DMTN: variants seen among roughly 807,000 people sequenced by gnomAD.
DMTN encodes the protein dematin actin binding protein.
DMTN carries 27 observed loss-of-function variants against 59.4 expected under a neutral mutation model. The observed-to-expected ratio is 0.45, with a 90% CI of 0.33 to 0.63. The LOEUF is 0.63. DMTN is among the 20% of genes least tolerant of loss of function. DMTN has a pLI of 0.02. For missense variants in DMTN, 451 were observed against 528.9 expected (o/e 0.85, Z 1.45); for synonymous variants, 221 against 203.7 (o/e 1.08, Z -0.72).
upstream of DMTN, among the ~76,000 whole-genome samples, chr8:22,054,103 T>TACACACACACACACACACACAG (rs761199427): frequency 0.024 from 3,608 of 148,364 alleles, 79 homozygotes; most frequent in African/African-American, 0.053. Context: ...CCACCACCAA[T>TACACACACACACACACACACAG]ACACACACAC....
chr8:22,066,989 C>T, intron 2 of DMTN, 96 bp downstream of exon 2: 1 of 1,271,518 alleles, frequency 7.9e-7, no homozygotes, highest in Non-Finnish European at 1.0e-6. Context: ...CGCGCAGCGC[C>T]GCGCAGCGCC....
chr8:22,070,332 TG>T lies in DMTN; in HGVS notation c.604+1del. 1.2e-6 allele frequency: 2 copies of T among 1,603,372 alleles called. No homozygotes were observed. Among genetic ancestry groups the T allele is most frequent in the Non-Finnish European group, 1.7e-6 (2 of 1,174,924 alleles). On this transcript the variant is annotated frameshift_variant and splice_region_variant, in exon 8 of 16. Coordinates refer to ENST00000358242, the MANE Select transcript of DMTN (RefSeq NM_001387751.1). LOFTEE classifies it high-confidence loss of function. ...CCATGCCCCCCGTCTCTGGCTGTTG[TG>T]GGTAGGAGAGATGGGGAGAGTGGAA... The part of the protein sequence containing the change: ...YWPCPPSLAV[V>X]ETEWRKRKAS...
intron 4 of DMTN, 29 bp downstream of exon 4, chr8:22,067,711 CG>C: frequency 6.2e-7 from 1 of 1,606,912 alleles, no homozygotes; most frequent in South Asian, 1.1e-5. Context: ...GGCAGGACTC[CG>C]GGGGAGGCCC....
rs956548254 is a variant in DMTN at position 22,060,032 on chromosome 8, G to A, written c.-172+2896G>A. Among the ~76,000 whole-genome samples, 1 of 152,126 alleles carries A rather than the reference G, an allele frequency of 6.6e-6. No individual in the cohort carries two copies. Among genetic ancestry groups the A allele is most frequent in the Non-Finnish European group, 1.5e-5 (1 of 68,022 alleles). ...CAGATAAGGCAGGGACACACAGCTGGGGGAGGGTGGGGCTGAGATGGAGGG... is the reference window on the plus strand; with the variant it reads ...CAGATAAGGCAGGGACACACAGCTGAGGGAGGGTGGGGCTGAGATGGAGGG... On this transcript the variant is annotated intron_variant, in intron 1 of 15. Coordinates refer to ENST00000358242, the MANE Select transcript of DMTN (RefSeq NM_001387751.1). This position sits in a 1 kb window ranked among gnomAD's most constrained non-coding sequence, Gnocchi z 5.0.
At chr8:22,055,225 C>G (rs1802013414), upstream of DMTN, among the ~76,000 whole-genome samples, 1 of 152,074 alleles carries the variant, frequency 6.6e-6, no homozygotes, top group African/African-American at 2.4e-5. Context: ...ACCCTTGCAC[C>G]AGAAGACAGC....
rs563883947 is a variant in DMTN, at chr8:22,067,005, T to G, written c.19-80T>G. ...GCGCAGCGCCGCGCAGCGCCCCGGG[T>G]CCCCCAGGCCTAGGGCCGCCCCCGC... On this transcript the variant is annotated intron_variant, in intron 2 of 15. Transcript: ENST00000358242. The G allele has an allele frequency of 5.0e-3, 6,548 of 1,299,344 alleles. 21 individuals are homozygous for G. Among genetic ancestry groups the G allele is most frequent in the Admixed American group, 5.9e-3 (148 of 24,906 alleles). 80.5% of individuals were successfully genotyped at this position (1,299,344 alleles called of 1,614,324 possible). A position where few individuals can be genotyped will look rare whatever the true frequency, so the allele number is the denominator to read the frequency against.
intron 13 of DMTN, 57 bp downstream of exon 13, chr8:22,080,682 G>A (rs576510471): frequency 2.0e-5 from 32 of 1,587,038 alleles, no homozygotes; most frequent in South Asian, 8.0e-5. Context: ...CCTGGCACCC[G>A]AAAGTGTCAG....
chr8:22,080,768 G>T, intron 13 of DMTN, 37 bp from the exon 14 acceptor site: 1 of 1,600,786 alleles, frequency 6.2e-7, no homozygotes, highest in Non-Finnish European at 8.5e-7. Context: ...AGGTCTCCCT[G>T]CCCCGCTCTG....
In DMTN at chr8:22,079,292, ATATATATATT is replaced by A. The variant is rs1185291422; in HGVS notation, c.836-887_836-878del. On this transcript the variant is annotated intron_variant, in intron 10 of 15. Coordinates refer to ENST00000358242, the MANE Select transcript of DMTN (RefSeq NM_001387751.1). ...TAAATAAATAAATATATATATATAT[ATATATATATT>A]AGCTGGGTTTGATGGCGCATGCCCC... Among the ~76,000 whole-genome samples, 305 of 73,470 alleles carry A rather than the reference ATATATATATT, an allele frequency of 4.2e-3. 19 individuals are homozygous for A. Among genetic ancestry groups the A allele is most frequent in the Middle Eastern group, 0.011 (2 of 184 alleles). 48.2% of individuals were successfully genotyped at this position (73,470 alleles called of 152,430 possible). A position where few individuals can be genotyped will look rare whatever the true frequency, so the allele number is the denominator to read the frequency against.
chr8:22,052,573 G>C (rs1011239131), upstream of DMTN, among the ~76,000 whole-genome samples: 72 of 152,254 alleles, frequency 4.7e-4, no homozygotes, highest in African/African-American at 1.6e-3. Flanking sequence ...GAGCTCTCAA[G>C]GCACTTGAAA....
At chr8:22,072,479 C>T (rs776797100) in intron 9 of DMTN, 29 bp downstream of exon 9, 23 of 1,534,544 alleles carry the variant, frequency 1.5e-5, no homozygotes, top group Admixed American at 2.0e-5. Flanking sequence ...CACCCTCCAC[C>T]CCTGTGCAGG....
upstream of DMTN, among the ~76,000 whole-genome samples, chr8:22,049,984 C>A (rs187292099): frequency 6.6e-6 from 1 of 152,284 alleles, no homozygotes; most frequent in South Asian, 2.1e-4. Context: ...ACCCCCACCA[C>A]GGGGCAATTT....
upstream of DMTN, among the ~76,000 whole-genome samples, chr8:22,050,521 C>T (rs1801236113): frequency 6.6e-6 from 1 of 151,026 alleles, no homozygotes; most frequent in African/African-American, 2.5e-5. Flanking sequence ...CGGCCTTTCT[C>T]CGGCCCCTCC....
At chr8:22,056,369 G>C (rs976162166), upstream of DMTN, among the ~76,000 whole-genome samples, 9 of 152,206 alleles carry the variant, frequency 5.9e-5, no homozygotes, top group African/African-American at 1.9e-4. Flanking sequence ...CCCACCTCAA[G>C]AGGCTGGGCC....
chr8:22,081,869 T>G lies in DMTN; in HGVS notation c.*406T>G. 1 of 462,504 alleles carries G rather than the reference T, an allele frequency of 2.2e-6. No individual in the cohort carries two copies. Among genetic ancestry groups the G allele is most frequent in the Non-Finnish European group, 4.3e-6 (1 of 231,008 alleles). The allele number at this position is 462,504 out of a possible 1,614,324, so 28.7% of individuals were successfully genotyped here. A position where few individuals can be genotyped will look rare whatever the true frequency, so the allele number is the denominator to read the frequency against. On this transcript the variant is annotated 3_prime_UTR_variant, in exon 16 of 16. Coordinates refer to ENST00000358242, the MANE Select transcript of DMTN (RefSeq NM_001387751.1). ...AGGCAGAAAGAGCTCCAGGCTCTTGTGTCGCCCACCCAGCCCTCCCATACT... is the reference window on the plus strand; with the variant it reads ...AGGCAGAAAGAGCTCCAGGCTCTTGGGTCGCCCACCCAGCCCTCCCATACT...
chr8:22,062,186 G>A (rs1048688825), intron 1 of DMTN, among the ~76,000 whole-genome samples: 1 of 151,688 alleles, frequency 6.6e-6, no homozygotes, highest in Admixed American at 6.6e-5. Context: ...GACCTCCTAG[G>A]ATCAACCCAT....
chr8:22,067,509 G>T lies in DMTN; in HGVS notation c.94-18G>T. Reference sequence around the variant, plus strand: ...GGGGCTTTCGGCACAGCAGTTTCACGCGCACCTTTCCCTTCAGGCCAAGAT... The same window carrying T: ...GGGGCTTTCGGCACAGCAGTTTCACTCGCACCTTTCCCTTCAGGCCAAGAT... On this transcript the variant is annotated intron_variant, in intron 3 of 15. Transcript: ENST00000358242. 2 of 1,613,932 alleles carry T rather than the reference G, an allele frequency of 1.2e-6. No individual in the cohort carries two copies. Among genetic ancestry groups the T allele is most frequent in the Non-Finnish European group, 1.7e-6 (2 of 1,179,884 alleles).
At position 22,081,186 on chromosome 8, in the gene DMTN, G is replaced by A. The variant is rs755561897; in HGVS notation, c.1097G>A (p.Arg366Gln). 19 of 1,613,206 alleles carry A rather than the reference G, an allele frequency of 1.2e-5. No homozygotes were observed. The highest frequency in any genetic ancestry group is 4.0e-5 in the African/African-American group (3 of 74,616). Residue 366 changes from arginine (R) to glutamine (Q), a missense_variant, in exon 15 of 16, where the codon CGG becomes CAG. Arg to Gln is a conservative substitution (Grantham distance 43). Transcript: ENST00000358242. ...TKLPPGVDRM[R>Q]LERHLSAEDF... Reference sequence around the variant, plus strand: ...CTGCCACCGGGGGTGGATCGGATGCGGCTTGAGGTAGGCAAGGAAGATGCC... The same window carrying A: ...CTGCCACCGGGGGTGGATCGGATGCAGCTTGAGGTAGGCAAGGAAGATGCC...
Position 22,073,773 on chromosome 8 carries a change from A to G in DMTN, c.773A>G (p.Glu258Gly). 6.2e-7 allele frequency: 1 copy of G among 1,614,036 alleles called. No homozygotes were observed. The highest frequency in any genetic ancestry group is 8.5e-7 in the Non-Finnish European group (1 of 1,179,930). ...LGKMILKEEM[E>G]KSLPIRRKTR... ...AAGATGATCTTGAAAGAAGAGATGG[A>G]AAAGTCATTGCCGATCCGAAGGAAA... is the stretch of plus-strand genomic sequence containing the variant. Residue 258 changes from glutamate (E) to glycine (G), a missense_variant, in exon 10 of 16, where the codon GAA (glutamate) becomes GGA (glycine). Coordinates refer to ENST00000358242, the MANE Select transcript of DMTN (RefSeq NM_001387751.1).
Sources: allele counts gnomAD v4.1 joint callset (sites outside exome capture counted in the v4.1 genomes callset), GRCh38; gene constraint gnomAD v4.1.1; non-coding constraint Gnocchi (gnomAD v3.1); transcripts MANE v1.5; gene names NCBI Gene and HGNC (gene_info 2026-07-23, HGNC 2026-07-21).